The following RFTN2 variants were observed in gnomAD, a reference collection of about 807,000 sequenced individuals.
The protein encoded by RFTN2 is raftlin family member 2, also known as raftlin-2.
A neutral mutation model predicts 52.7 loss-of-function variants in RFTN2; 34 were observed. That is an observed-to-expected ratio of 0.64 (90% CI 0.49 to 0.86). RFTN2 has a LOEUF of 0.86. RFTN2 is among the 40% of genes least tolerant of loss of function. RFTN2 has a pLI of 0.00. For missense variants in RFTN2, 536 were observed against 600.1 expected, an observed-to-expected ratio of 0.89 and a Z score of 1.12; for synonymous variants, 203 against 217.7, an observed-to-expected ratio of 0.93 and a Z score of 0.59.
Position 197,580,450 on chromosome 2 carries a change from C to T in RFTN2, c.1234-8170G>A, listed in dbSNP as rs188117073. ...CCCGCAGCCTGGGATTCCTCCTAAG[C>T]CATATCCCATCTGTGCAGGACCCCA... On this transcript the variant is annotated intron_variant, in intron 8 of 8. Coordinates refer to ENST00000295049, the MANE Select transcript of RFTN2 (RefSeq NM_144629.3). 1.4e-3 allele frequency among the ~76,000 whole-genome samples: 215 copies of T among 152,344 alleles called. 3 individuals carry two copies. The highest frequency in any genetic ancestry group is 8.3e-3 in the South Asian group (40 of 4,824).
intron 1 of RFTN2, among the ~76,000 whole-genome samples, chr2:197,667,697 G>A (rs146212735): frequency 1.3e-5 from 2 of 152,182 alleles, no homozygotes; most frequent in East Asian, 3.8e-4. Flanking sequence ...TTATTTGGCT[G>A]TAAACAACAT....
intron 8 of RFTN2, among the ~76,000 whole-genome samples, chr2:197,589,433 G>C (rs1471308792): frequency 6.6e-6 from 1 of 151,994 alleles, no homozygotes; most frequent in African/African-American, 2.4e-5. Context: ...TATCAGCTGC[G>C]TGAAAACGGA....
In RFTN2 at chr2:197,571,920, A is replaced by G; in HGVS notation, c.*88T>C. 7.2e-7 allele frequency: 1 copy of G among 1,393,986 alleles called. No individual in the cohort carries two copies. 86.4% of individuals were successfully genotyped at this position (1,393,986 alleles called of 1,614,324 possible). On this transcript the variant is annotated 3_prime_UTR_variant, in exon 9 of 9. Coordinates refer to ENST00000295049, the MANE Select transcript of RFTN2 (RefSeq NM_144629.3). ...GTCTGGAAAAATTCAAAAATATTAC[A>G]TAAATGCAGAGAAAGTAATACAATA...
At chr2:197,633,143 C>A (rs983901834) in intron 4 of RFTN2, among the ~76,000 whole-genome samples, 5 of 152,128 alleles carry the variant, frequency 3.3e-5, no homozygotes, top group African/African-American at 9.7e-5. Context: ...GAATAAAATA[C>A]TCTCAGTTTC....
intron 7 of RFTN2, among the ~76,000 whole-genome samples, chr2:197,601,823 C>T (rs1290924085): frequency 6.6e-6 from 1 of 152,102 alleles, no homozygotes; most frequent in Non-Finnish European, 1.5e-5. Flanking sequence ...AATTAGACTA[C>T]TTAAGCAAAC....
In RFTN2 at chr2:197,618,604, T is replaced by C. The variant is rs7575864; in HGVS notation, c.929-683A>G. ...GCTGCCCAGTCTGGAAAGTGAGGAG[T>C]GTCTCTGCCCGGCCACCATCCCATC... On this transcript the variant is annotated intron_variant, in intron 5 of 8. Transcript: ENST00000295049. Among the ~76,000 whole-genome samples the C allele has an allele frequency of 1.6e-3, 224 of 137,996 alleles. 3 individuals are homozygous for C. Among genetic ancestry groups the C allele is most frequent in the African/African-American group, 4.2e-3 (151 of 35,936 alleles). The allele number at this position is 137,996 out of a possible 152,430, so 90.5% of individuals were successfully genotyped here. A position where few individuals can be genotyped will look rare whatever the true frequency, so the allele number is the denominator to read the frequency against.
chr2:197,620,160 G>A (rs2088238658), intron 5 of RFTN2, among the ~76,000 whole-genome samples: 1 of 151,270 alleles, frequency 6.6e-6, no homozygotes, highest in South Asian at 2.1e-4. Flanking sequence ...CCTAAACACA[G>A]AACAATTCTT....
intron 2 of RFTN2, 38 bp from the exon 3 acceptor site, chr2:197,644,310 T>C: frequency 8.8e-7 from 1 of 1,140,382 alleles, no homozygotes; most frequent in Non-Finnish European, 1.3e-6. Context: ...TGGAGGCCAA[T>C]TGCTGCTTTT....
intron 1 of RFTN2, among the ~76,000 whole-genome samples, chr2:197,654,131 C>T (rs772357095): frequency 6.6e-6 from 1 of 151,856 alleles, no homozygotes; most frequent in Admixed American, 6.6e-5. Flanking sequence ...CTCATGTCTG[C>T]AATTCCATCA....
chr2:197,625,835 C>T (rs2088350977), intron 5 of RFTN2, among the ~76,000 whole-genome samples: 1 of 151,192 alleles, frequency 6.6e-6, no homozygotes, highest in African/African-American at 2.4e-5. Context: ...GCTGCACTGC[C>T]CAGTGCAGTG....
chr2:197,648,503 A>C (rs1465770700), intron 1 of RFTN2, among the ~76,000 whole-genome samples: 1 of 152,190 alleles, frequency 6.6e-6, no homozygotes, highest in Non-Finnish European at 1.5e-5. Flanking sequence ...GCTCTTTAGT[A>C]TTTTGACTAC....
chr2:197,673,032 G>T (rs936957693), intron 1 of RFTN2, among the ~76,000 whole-genome samples: 20 of 152,094 alleles, frequency 1.3e-4, no homozygotes, highest in Non-Finnish European at 2.8e-4. Flanking sequence ...TTTTCAGAGG[G>T]TCTCCTCCTC....
chr2:197,604,190 G>C (rs2106196765), intron 7 of RFTN2, among the ~76,000 whole-genome samples: 1 of 152,272 alleles, frequency 6.6e-6, no homozygotes, highest in Non-Finnish European at 1.5e-5. Flanking sequence ...AGTGTACATG[G>C]AAACAATCTA....
intron 7 of RFTN2, among the ~76,000 whole-genome samples, chr2:197,608,467 A>G (rs1219652163): frequency 6.6e-6 from 1 of 151,786 alleles, no homozygotes; most frequent in Non-Finnish European, 1.5e-5. Context: ...GCACACCACC[A>G]CGCGCAGCTA....
intron 1 of RFTN2, among the ~76,000 whole-genome samples, chr2:197,658,838 CATG>C (rs777021044): frequency 6.6e-5 from 10 of 152,142 alleles, no homozygotes; most frequent in Non-Finnish European, 1.5e-4. Context: ...GCAAGGCTAT[CATG>C]AGGAACTCAT....
Position 197,618,975 on chromosome 2 carries a change from C to T in RFTN2, c.929-1054G>A, listed in dbSNP as rs562861435. 4.0e-4 allele frequency among the ~76,000 whole-genome samples: 61 copies of T among 151,620 alleles called. No homozygotes were observed. The East Asian group carries it at 9.0e-3, about 22-fold the overall frequency. On this transcript the variant is annotated intron_variant, in intron 5 of 8. Transcript: ENST00000295049. ...GAGGTGGGGGGGTCAGCCCCCCGCCCGGCCAGCCGCCCCATCCGGGAGGGA... is the reference window on the plus strand; with the variant it reads ...GAGGTGGGGGGGTCAGCCCCCCGCCTGGCCAGCCGCCCCATCCGGGAGGGA...
At chr2:197,636,849 C>A (rs1016779767) in intron 3 of RFTN2, among the ~76,000 whole-genome samples, 16 of 149,326 alleles carry the variant, frequency 1.1e-4, no homozygotes, top group Non-Finnish European at 2.1e-4. Context: ...CAGTTTTTGC[C>A]CATTTAGTAT....
intron 7 of RFTN2, among the ~76,000 whole-genome samples, 158 bp from the exon 8 acceptor site, chr2:197,596,227 T>C (rs975639807): frequency 6.6e-6 from 1 of 152,116 alleles, no homozygotes; most frequent in Admixed American, 6.6e-5. Flanking sequence ...ATGGAAAGAA[T>C]GTAAAATATA....
At chr2:197,610,455 T>C (rs1472489182) in intron 7 of RFTN2, among the ~76,000 whole-genome samples, 1 of 152,246 alleles carries the variant, frequency 6.6e-6, no homozygotes, top group Non-Finnish European at 1.5e-5. Context: ...TTTTTGCACA[T>C]TGATTTTGTA....
Sources: allele counts gnomAD v4.1 joint callset (sites outside exome capture counted in the v4.1 genomes callset), GRCh38; gene constraint gnomAD v4.1.1; transcripts MANE v1.5; gene names NCBI Gene and HGNC (gene_info 2026-07-23, HGNC 2026-07-21).